Variants in NEK10 observed in about 807,000 individuals in gnomAD.
NEK10 encodes the protein serine/threonine-protein kinase Nek10.
NEK10 carries 122 observed loss-of-function variants against 159.8 expected under a neutral mutation model. The observed-to-expected ratio is 0.76, with a 90% CI of 0.66 to 0.89. NEK10 has a LOEUF of 0.89. Among genes scored for constraint, NEK10 ranks in the 40% least tolerant of loss-of-function variants. NEK10 has a pLI of 0.00. For synonymous variants in NEK10, 466 were observed against 457.1 expected (o/e 1.02, Z -0.25); for missense variants, 1,342 against 1,323.1 (o/e 1.01, Z -0.22).
rs905659998 is a variant in NEK10, at chr3:27,317,956, C to A, written c.448-3618G>T. Among the ~76,000 whole-genome samples the A allele has an allele frequency of 1.1e-4, 16 of 152,240 alleles. No individual in the cohort carries two copies. The East Asian group carries it at 2.3e-3, about 22-fold the overall frequency. ...TGGCTGGGACTACAGGCGCCCGCCA[C>A]CACGCCCGGCTAATTTTTTCTATTT... On this transcript the variant is annotated intron_variant, in intron 6 of 35. Transcript: ENST00000691995.
chr3:27,225,910 G>T (rs1952588248), intron 23 of NEK10, among the ~76,000 whole-genome samples: 1 of 152,130 alleles, frequency 6.6e-6, no homozygotes, highest in Non-Finnish European at 1.5e-5. Flanking sequence ...TATTCATAAG[G>T]TAGGAAGTCC....
In NEK10 at chr3:27,284,918, C is replaced by A. The variant is rs758416963; in HGVS notation, c.1833G>T (p.Pro611=). 43 of 1,603,964 alleles carry A rather than the reference C, an allele frequency of 2.7e-5. 1 individual carries two copies. The South Asian group carries it at 4.2e-4, about 16-fold the overall frequency. ...TCAAAGAACTGAAATGCTCTCCAAG[C>A]GGGGCTCCTTCTATCAGCTCCATAA... ...YIVMELIEGA[P]LGEHFSSLKE... The change falls in exon 21 of 36, where the codon CCG becomes CCT. Residue 611 remains proline (P), a synonymous_variant. Transcript: ENST00000691995.
At chr3:27,359,988 G>C (rs991868) in intron 1 of NEK10, among the ~76,000 whole-genome samples, 1 of 151,986 alleles carries the variant, frequency 6.6e-6, no homozygotes, top group Non-Finnish European at 1.5e-5. Flanking sequence ...AAGTTAAATT[G>C]GTCAAATTGC....
At position 27,256,327 on chromosome 3, in the gene NEK10, T is replaced by C. The variant is rs1273255269; in HGVS notation, c.2059A>G (p.Thr687Ala). The C allele has an allele frequency of 6.4e-7, 1 of 1,571,524 alleles. No individual in the cohort carries two copies. Among genetic ancestry groups the C allele is most frequent in the Non-Finnish European group, 8.6e-7 (1 of 1,161,640 alleles). ...AKQKQENSKLTSVVGTILYSC... is the reference protein window; with the variant it reads ...AKQKQENSKLASVVGTILYSC... ...TACAGGATTGTTCCAACCACAGAGG[T>C]GAGTTTACTGTTTTCTTGTTTTTGC... The change falls in exon 23 of 36, where the codon ACC becomes GCC. Residue 687 changes from threonine (T) to alanine (A), a missense_variant. Physicochemically the swap from Thr to Ala is moderately conservative, Grantham distance 58. Transcript: ENST00000691995.
intron 29 of NEK10, among the ~76,000 whole-genome samples, chr3:27,164,817 T>TA (rs1444143077): frequency 6.6e-6 from 1 of 152,246 alleles, no homozygotes; most frequent in African/African-American, 2.4e-5. Flanking sequence ...TCCATCAGGT[T>TA]ATACATGTTC....
chr3:27,210,767 C>A (rs933557243), intron 23 of NEK10, among the ~76,000 whole-genome samples: 7 of 152,138 alleles, frequency 4.6e-5, no homozygotes, highest in South Asian at 2.1e-4. Flanking sequence ...AATTATCAAA[C>A]CTTCAGAAGG....
chr3:27,131,352 C>T (rs1942601780), intron 32 of NEK10, among the ~76,000 whole-genome samples: 1 of 152,072 alleles, frequency 6.6e-6, no homozygotes, highest in Non-Finnish European at 1.5e-5. Context: ...TTTCTTTCTG[C>T]CCAGTTGATT....
chr3:27,238,520 T>C (rs1954200168), intron 23 of NEK10, among the ~76,000 whole-genome samples: 1 of 152,220 alleles, frequency 6.6e-6, no homozygotes, highest in South Asian at 2.1e-4. Flanking sequence ...TTGTTGTTTT[T>C]ATTTTGTTAT....
At chr3:27,279,897 C>T (rs1378929004) in intron 22 of NEK10, among the ~76,000 whole-genome samples, 4 of 151,966 alleles carry the variant, frequency 2.6e-5, no homozygotes, top group Non-Finnish European at 4.4e-5. Flanking sequence ...AGGCCGAGCG[C>T]GGTGGCTCAC....
At chr3:27,171,935 G>T (rs1947028666) in intron 28 of NEK10, 62 bp from the exon 29 acceptor site, 2 of 1,525,256 alleles carry the variant, frequency 1.3e-6, no homozygotes, top group Non-Finnish European at 1.8e-6. Flanking sequence ...TATTTTTTAT[G>T]TTTTAATAAA....
chr3:27,132,075 G>T, intron 31 of NEK10, 85 bp from the exon 32 acceptor site: 1 of 681,540 alleles, frequency 1.5e-6, no homozygotes, highest in Admixed American at 2.5e-5. Flanking sequence ...GAGGGCCCAT[G>T]TAACAATATT....
chr3:27,303,525 G>A (rs2149549021), intron 12 of NEK10, among the ~76,000 whole-genome samples: 1 of 152,198 alleles, frequency 6.6e-6, no homozygotes. Flanking sequence ...CCAAGGGGCT[G>A]GCTTATTATG....
At chr3:27,241,227 C>T (rs1954530393) in intron 23 of NEK10, among the ~76,000 whole-genome samples, 1 of 152,106 alleles carries the variant, frequency 6.6e-6, no homozygotes, top group South Asian at 2.1e-4. Context: ...GACAATCTGG[C>T]ATGTACAGAC....
At chr3:27,278,718 C>T (rs35951360) in intron 22 of NEK10, 31,200 of 983,772 alleles carry the variant, frequency 0.032, 649 homozygotes, top group African/African-American at 0.082. Context: ...AGGAGGCAAG[C>T]GGACATGGAA....
chr3:27,202,362 G>C, intron 24 of NEK10, 66 bp downstream of exon 24: 4 of 1,475,970 alleles, frequency 2.7e-6, no homozygotes, highest in Non-Finnish European at 2.8e-6. Flanking sequence ...ACAAAGATCT[G>C]TTTAATAAGA....
chr3:27,206,675 C>G (rs1278651147), intron 23 of NEK10: 1 of 970,744 alleles, frequency 1.0e-6, no homozygotes, highest in African/African-American at 1.8e-5. Context: ...CAAGTGCGCA[C>G]AGAGATGAAG....
chr3:27,136,918 G>C (rs1233558041), intron 31 of NEK10, among the ~76,000 whole-genome samples: 1 of 152,180 alleles, frequency 6.6e-6, no homozygotes, highest in Non-Finnish European at 1.5e-5. Context: ...GTCTGAGAGA[G>C]TTTGACTAGT....
chr3:27,136,478 C>A (rs569941543), intron 31 of NEK10, among the ~76,000 whole-genome samples: 1 of 152,186 alleles, frequency 6.6e-6, no homozygotes, highest in East Asian at 1.9e-4. Flanking sequence ...ACAAAACAAT[C>A]TAAATGTAAG....
chr3:27,189,856 G>C (rs1948960845), intron 26 of NEK10, among the ~76,000 whole-genome samples: 1 of 152,104 alleles, frequency 6.6e-6, no homozygotes, highest in Non-Finnish European at 1.5e-5. Context: ...TATAAACTTT[G>C]CTTTGAAGTA....
Sources: allele counts gnomAD v4.1 joint callset (sites outside exome capture counted in the v4.1 genomes callset), GRCh38; gene constraint gnomAD v4.1.1; transcripts MANE v1.5; gene names NCBI Gene and HGNC (gene_info 2026-07-23, HGNC 2026-07-21).